The following GNA11 variants were observed in gnomAD, a reference collection of about 807,000 sequenced individuals.
GNA11 encodes the protein G protein subunit alpha 11, also known as guanine nucleotide-binding protein subunit alpha-11.
A neutral mutation model predicts 38.2 loss-of-function variants in GNA11; 8 were observed. That is an observed-to-expected ratio of 0.21 (90% CI 0.12 to 0.38). GNA11 has a LOEUF of 0.38. Ranked by LOEUF, GNA11 falls within the 10% of genes least tolerant of loss-of-function variation. GNA11 has a pLI of 1.00. For missense variants in GNA11, 268 were observed against 516.3 expected (o/e 0.52, Z 4.66); for synonymous variants, 211 against 221.4 (o/e 0.95, Z 0.42).
intron 4 of GNA11, chr19:3,117,138 G>A (rs746315090): frequency 6.6e-6 from 1 of 152,242 alleles, no homozygotes; most frequent in Non-Finnish European, 1.5e-5. Flanking sequence ...ATATTGTTAC[G>A]AGAATTCAAG....
intron 4 of GNA11, among the ~76,000 whole-genome samples, chr19:3,116,900 C>T (rs1436974389): frequency 6.6e-6 from 1 of 152,154 alleles, no homozygotes; most frequent in African/African-American, 2.4e-5. Context: ...GAGACCCACC[C>T]CAGGGCTGGG....
intron 4 of GNA11, among the ~76,000 whole-genome samples, chr19:3,116,448 CGCATCCTTGGCATCCTTG>C (rs56958857): frequency 0.018 from 2,695 of 152,036 alleles, 77 homozygotes; most frequent in African/African-American, 0.051. Context: ...TAGTGGCGGC[CGCATCCTTGGCATCCTTG>C]GCATCCTTGG....
chr19:3,099,597 G>T (rs1476297749), intron 1 of GNA11, among the ~76,000 whole-genome samples: 2 of 152,166 alleles, frequency 1.3e-5, no homozygotes, highest in Non-Finnish European at 2.9e-5. Flanking sequence ...TCTTAGAATT[G>T]GCTGCCCTGG....
At chr19:3,116,676 G>A (rs1233341999) in intron 4 of GNA11, among the ~76,000 whole-genome samples, 4 of 152,336 alleles carry the variant, frequency 2.6e-5, no homozygotes, top group Non-Finnish European at 4.4e-5. Context: ...TCTGGTGTTC[G>A]TGCGTGTGGG....
chr19:3,122,091 G>A lies in GNA11; in HGVS notation c.*912G>A. 2 of 233,336 alleles carry A rather than the reference G, an allele frequency of 8.6e-6. No homozygotes were observed. Among genetic ancestry groups the A allele is most frequent in the Non-Finnish European group, 1.7e-5 (2 of 117,834 alleles). 14.5% of individuals were successfully genotyped at this position (233,336 alleles called of 1,614,324 possible). ...GAGCGCACCCCACCGGAGCCCACGT[G>A]GGCTGGGCGGCTGGAGGGATGGTCC... On this transcript the variant is annotated 3_prime_UTR_variant, in exon 7 of 7. Transcript: ENST00000078429. This position sits in a 1 kb window ranked among gnomAD's most constrained non-coding sequence, Gnocchi z 7.7.
intron 4 of GNA11, among the ~76,000 whole-genome samples, chr19:3,116,445 G>A (rs934892050): frequency 2.0e-5 from 3 of 149,206 alleles, no homozygotes; most frequent in Non-Finnish European, 3.0e-5. Flanking sequence ...TCCTAGTGGC[G>A]GCCGCATCCT....
intron 4 of GNA11, chr19:3,115,353 C>T (rs1005477396): frequency 3.8e-5 from 14 of 364,326 alleles, no homozygotes; most frequent in Admixed American, 8.9e-5. Flanking sequence ...TGAAGTGAGC[C>T]ATGATGGCAC....
chr19:3,114,827 G>C, intron 3 of GNA11, 117 bp from the exon 4 acceptor site: 1 of 979,112 alleles, frequency 1.0e-6, no homozygotes, highest in Non-Finnish European at 1.5e-6. Context: ...AGGTGGCGCA[G>C]TGCGCGGTCC....
chr19:3,105,277 G>C (rs376520230), intron 1 of GNA11, among the ~76,000 whole-genome samples: 3 of 152,022 alleles, frequency 2.0e-5, no homozygotes, highest in Non-Finnish European at 4.4e-5. Flanking sequence ...TTTTGTCACC[G>C]TCTCAGTCAG....
chr19:3,111,104 T>C (rs368025578), intron 2 of GNA11, among the ~76,000 whole-genome samples: 2 of 149,804 alleles, frequency 1.3e-5, no homozygotes, highest in African/African-American at 5.0e-5. Flanking sequence ...TCCGCCCTGG[T>C]TTTTTTTCTT....
In GNA11 at chr19:3,110,450, A is replaced by T; in HGVS notation, c.321+117A>T. On this transcript the variant is annotated intron_variant, in intron 2 of 6. Transcript: ENST00000078429. This position sits in a 1 kb window ranked among gnomAD's most constrained non-coding sequence, Gnocchi z 5.4. ...CCGGGGGTCCCGGCCGGCCCAGGCT[A>T]CCCCTGGTCATCCATCCGTTCCTGT... 1 of 736,216 alleles carries T rather than the reference A, an allele frequency of 1.4e-6. No homozygotes were observed. The highest frequency in any genetic ancestry group is 2.2e-6 in the Non-Finnish European group (1 of 448,312). The allele number at this position is 736,216 out of a possible 1,614,324, so 45.6% of individuals were successfully genotyped here.
In GNA11 at chr19:3,119,909, GGT is replaced by G. The variant is rs1020494121; in HGVS notation, c.889+555_889+556del. 2.7e-5 allele frequency among the ~76,000 whole-genome samples: 4 copies of G among 150,764 alleles called. No homozygotes were observed. The highest frequency in any genetic ancestry group is 9.7e-5 in the African/African-American group (4 of 41,074). ...TCCCTACGTGGCCCCTGCCCCACGG[GGT>G]GTGTCAGGGCAGCTGAGCACTGAGG... is the stretch of plus-strand genomic sequence containing the variant. On this transcript the variant is annotated intron_variant, in intron 6 of 6. Transcript: ENST00000078429. This position sits in a 1 kb window ranked among gnomAD's most constrained non-coding sequence, Gnocchi z 4.6.
At chr19:3,107,551 T>G (rs1913668275) in intron 1 of GNA11, among the ~76,000 whole-genome samples, 1 of 152,100 alleles carries the variant, frequency 6.6e-6, no homozygotes. Context: ...TGGCTTTCAG[T>G]GTGTGTGAGT....
Position 3,120,430 on chromosome 19 carries a change from C to A in GNA11, c.890-559C>A, listed in dbSNP as rs1914039746. Among the ~76,000 whole-genome samples, 1 of 150,834 alleles carries A rather than the reference C, an allele frequency of 6.6e-6. No individual in the cohort carries two copies. Among genetic ancestry groups the A allele is most frequent in the African/African-American group, 2.4e-5 (1 of 41,332 alleles). On this transcript the variant is annotated intron_variant, in intron 6 of 6. Coordinates refer to ENST00000078429, the MANE Select transcript of GNA11 (RefSeq NM_002067.5). This position sits in a 1 kb window ranked among gnomAD's most constrained non-coding sequence, Gnocchi z 5.9. The stretch of plus-strand genomic sequence containing the variant: ...TTGAACACCCCCAGGGGCCTTTCCA[C>A]CGGGGCAGGCAGGAGTTACTGGGCG...
intron 1 of GNA11, among the ~76,000 whole-genome samples, chr19:3,096,041 A>C (rs1205601157): frequency 6.6e-6 from 1 of 152,034 alleles, no homozygotes; most frequent in Non-Finnish European, 1.5e-5. Context: ...GCGGTGGGGA[A>C]GGTCGGAAAT....
intron 1 of GNA11, among the ~76,000 whole-genome samples, chr19:3,096,290 C>CG (rs1195055449): frequency 6.7e-6 from 1 of 148,646 alleles, no homozygotes; most frequent in Non-Finnish European, 1.5e-5. Flanking sequence ...CAGGGGGCCG[C>CG]GGGTAGGCAG....
At chr19:3,117,341 C>T (rs1913948611) in intron 4 of GNA11, 1 of 152,516 alleles carries the variant, frequency 6.6e-6, no homozygotes, top group South Asian at 2.1e-4. Context: ...GGTGTGTCAC[C>T]CCCTCTCCAC....
intron 1 of GNA11, among the ~76,000 whole-genome samples, chr19:3,102,326 G>T (rs531573683): frequency 1.3e-4 from 20 of 152,310 alleles, no homozygotes; most frequent in Admixed American, 9.8e-4. Context: ...GTGGAGATGG[G>T]ATTGGGTTCC....
chr19:3,095,867 CCTT>C (rs1371947720), intron 1 of GNA11, among the ~76,000 whole-genome samples: 1 of 152,170 alleles, frequency 6.6e-6, no homozygotes, highest in Non-Finnish European at 1.5e-5. Context: ...TGGTGAACCT[CCTT>C]CTCCCCAAGG....
Sources: gnomAD v4.1 joint callset for allele counts (sites outside exome capture counted in the v4.1 genomes callset) on GRCh38, gnomAD v4.1.1 for gene constraint, Gnocchi (gnomAD v3.1) non-coding constraint, MANE v1.5 for transcripts, NCBI Gene and HGNC (gene_info 2026-07-23, HGNC 2026-07-21) for gene names.